The following PRDM1 variants were observed in gnomAD, a reference collection of about 807,000 sequenced individuals.
The protein encoded by PRDM1 is PR/SET domain 1.
A neutral mutation model predicts 62.8 loss-of-function variants in PRDM1; 13 were observed. The observed-to-expected ratio is 0.21, with a 90% confidence interval of 0.13 to 0.33. The LOEUF (loss-of-function observed/expected upper bound fraction) is 0.33. Among genes scored for constraint, PRDM1 ranks in the 10% least tolerant of loss-of-function variants. PRDM1 has a pLI of 1.00. For missense variants in PRDM1, 895 were observed against 1,058.8 expected, an observed-to-expected ratio of 0.85 and a Z score of 2.15; for synonymous variants, 396 against 417.6, an observed-to-expected ratio of 0.95 and a Z score of 0.63.
At position 106,104,979 on chromosome 6, in the gene PRDM1, C is replaced by T. The variant is rs1177182000; in HGVS notation, c.819C>T (p.Pro273=). 3 of 1,614,116 alleles carry T rather than the reference C, an allele frequency of 1.9e-6. No individual in the cohort carries two copies. In the African/African-American group the frequency reaches 4.0e-5, roughly 22 times the overall value. Residue 273 remains proline (P), a synonymous_variant, in exon 5 of 7, where the codon CCC becomes CCT. Coordinates refer to ENST00000369096, the MANE Select transcript of PRDM1 (RefSeq NM_001198.4). ...GKDLYRSNIS[P]LTSEKDLDDF... is the part of the protein sequence containing the mutation. The stretch of plus-strand genomic sequence containing the variant: ...ACCTCTACCGTTCTAACATTTCACC[C>T]CTCACATCAGAAAAGGACCTCGATG...
chr6:106,008,660 C>A (rs1010008210), intron 1 of PRDM1, among the ~76,000 whole-genome samples: 1 of 152,156 alleles, frequency 6.6e-6, no homozygotes, highest in Non-Finnish European at 1.5e-5. Flanking sequence ...CCCAGTCAGA[C>A]CCCTTCTGAG....
At chr6:106,075,115 A>G (rs574197686) in intron 1 of PRDM1, among the ~76,000 whole-genome samples, 1 of 151,682 alleles carries the variant, frequency 6.6e-6, no homozygotes, top group South Asian at 2.1e-4. Flanking sequence ...TTAGGGGGGA[A>G]TTTTTTTTTA....
intron 1 of PRDM1, among the ~76,000 whole-genome samples, chr6:106,010,658 A>G (rs935169738): frequency 6.6e-6 from 1 of 152,222 alleles, no homozygotes; most frequent in African/African-American, 2.4e-5. Context: ...AAAAAGTTCT[A>G]GTTTTAAGGT....
intron 1 of PRDM1, among the ~76,000 whole-genome samples, chr6:106,063,809 C>T (rs1181927880): frequency 2.0e-5 from 3 of 152,078 alleles, no homozygotes; most frequent in African/African-American, 7.2e-5. Flanking sequence ...CCCTTGTATG[C>T]GAGTCTTATT....
rs150841304 is a variant in PRDM1 at position 106,106,607 on chromosome 6, G to A, written c.1902+108G>A. On this transcript the variant is annotated intron_variant, in intron 6 of 6. Coordinates refer to ENST00000369096, the MANE Select transcript of PRDM1 (RefSeq NM_001198.4). The surrounding 1 kb of genome is among the most constrained non-coding windows in gnomAD (Gnocchi z 4.4). Reference sequence around the variant, plus strand: ...AGTTAAAGCCAACACCAGATTCTGCGTTGTCCCATCCTGGACTGATGGCAC... The same window carrying A: ...AGTTAAAGCCAACACCAGATTCTGCATTGTCCCATCCTGGACTGATGGCAC... 6.0e-4 allele frequency: 882 copies of A among 1,468,690 alleles called. 4 individuals are homozygous for A. In the African/African-American group the frequency reaches 0.01, roughly 17 times the overall value. 91.0% of individuals were successfully genotyped at this position (1,468,690 alleles called of 1,614,324 possible). A position where few individuals can be genotyped will look rare whatever the true frequency, so the allele number is the denominator to read the frequency against.
At chr6:106,003,418 G>A (rs1446487363) in intron 1 of PRDM1, among the ~76,000 whole-genome samples, 1 of 152,082 alleles carries the variant, frequency 6.6e-6, no homozygotes, top group African/African-American at 2.4e-5. Flanking sequence ...CAGACTGCAG[G>A]TTTATTGGGT....
At chr6:106,062,396 A>T (rs1773358493) in intron 1 of PRDM1, among the ~76,000 whole-genome samples, 1 of 152,196 alleles carries the variant, frequency 6.6e-6, no homozygotes, top group Admixed American at 6.5e-5. Flanking sequence ...TAACATGAAA[A>T]TTCATATCTT....
chr6:106,024,138 T>C (rs1240170910), intron 1 of PRDM1, among the ~76,000 whole-genome samples: 1 of 140,426 alleles, frequency 7.1e-6, no homozygotes. Context: ...CAAGACCGTG[T>C]CTCAAAAAAA....
intron 2 of PRDM1, among the ~76,000 whole-genome samples, chr6:106,092,528 T>C (rs1312669444): frequency 1.3e-5 from 2 of 152,240 alleles, no homozygotes; most frequent in East Asian, 3.8e-4. Context: ...ACACATTCTT[T>C]GTCTTTTTAG....
chr6:106,007,491 A>G (rs1265539651), intron 1 of PRDM1, among the ~76,000 whole-genome samples: 1 of 148,452 alleles, frequency 6.7e-6, no homozygotes, highest in Non-Finnish European at 1.5e-5. Context: ...ATACTATTTG[A>G]GCAGACCATT....
intron 1 of PRDM1, among the ~76,000 whole-genome samples, chr6:106,064,905 G>A (rs4945741): frequency 0.19 from 28,423 of 152,040 alleles, 2,903 homozygotes; most frequent in African/African-American, 0.27. Context: ...CTGAATCACC[G>A]TTTCCTCTTC....
At chr6:106,075,362 T>G (rs1405754191) in intron 1 of PRDM1, among the ~76,000 whole-genome samples, 1 of 152,220 alleles carries the variant, frequency 6.6e-6, no homozygotes, top group Non-Finnish European at 1.5e-5. Context: ...TGGTTTTAGT[T>G]CTGATTCTTA....
chr6:106,086,712 C>A (rs1049254246), intron 1 of PRDM1, 117 bp downstream of exon 1: 17 of 930,458 alleles, frequency 1.8e-5, no homozygotes, highest in Non-Finnish European at 2.7e-5. Flanking sequence ...TAGAAACATG[C>A]TTCTGCTTTA....
intron 1 of PRDM1, among the ~76,000 whole-genome samples, chr6:106,075,352 T>C (rs1165155066): frequency 6.6e-6 from 1 of 152,244 alleles, no homozygotes; most frequent in East Asian, 1.9e-4. Context: ...ATTTTAGCCA[T>C]GGTTTTAGTT....
At chr6:106,035,026 A>G (rs6909087) in intron 1 of PRDM1, among the ~76,000 whole-genome samples, 138,339 of 152,306 alleles carry the variant, frequency 0.91, 62,953 homozygotes, top group African/African-American at 0.95. Flanking sequence ...TTGTTATTGC[A>G]TAGAATGTCC....
chr6:106,005,948 C>G (rs1392288712), intron 1 of PRDM1, among the ~76,000 whole-genome samples: 1 of 152,220 alleles, frequency 6.6e-6, no homozygotes, highest in Non-Finnish European at 1.5e-5. Context: ...ATTTCTCCAG[C>G]ATCAGAAGAC....
intron 2 of PRDM1, among the ~76,000 whole-genome samples, chr6:106,092,932 T>TGTATGTATGTACTATATA (rs1466577346): frequency 1.3e-5 from 2 of 152,230 alleles, no homozygotes; most frequent in African/African-American, 2.4e-5. Flanking sequence ...AGTTTATATG[T>TGTATGTATGTACTATATA]GCCCTATAGC....
intron 1 of PRDM1, among the ~76,000 whole-genome samples, chr6:106,012,588 C>G (rs1772572016): frequency 6.7e-6 from 1 of 148,896 alleles, no homozygotes; most frequent in African/African-American, 2.6e-5. Flanking sequence ...ATCACACACA[C>G]CACACATATT....
At chr6:106,098,507 T>C in intron 3 of PRDM1, 2 of 1,223,906 alleles carry the variant, frequency 1.6e-6, no homozygotes, top group Non-Finnish European at 2.1e-6. Context: ...CACACGCCTA[T>C]GGCTCTGTGT....
Sources: gnomAD v4.1 joint callset for allele counts (sites outside exome capture counted in the v4.1 genomes callset) on GRCh38, gnomAD v4.1.1 for gene constraint, Gnocchi (gnomAD v3.1) non-coding constraint, MANE v1.5 for transcripts, NCBI Gene and HGNC (gene_info 2026-07-23, HGNC 2026-07-21) for gene names.